The following RUNX1T1 variants were observed in gnomAD, a reference collection of about 807,000 sequenced individuals.
The protein encoded by RUNX1T1 is RUNX1 partner transcriptional co-repressor 1.
RUNX1T1 carries 4 observed loss-of-function variants against 62.8 expected under a neutral mutation model. The ratio of observed to expected loss-of-function variants is 0.06; its 90% confidence interval spans 0.03 to 0.15. RUNX1T1 has a LOEUF of 0.15. RUNX1T1 is among the 10% of genes least tolerant of loss of function. The probability of loss-of-function intolerance (pLI) is 1.00; values close to 1 mark genes in which losing one functional copy is unlikely to be tolerated. For missense variants in RUNX1T1, 508 were observed against 754.3 expected (o/e 0.67, Z 3.82); for synonymous variants, 291 against 286.0 (o/e 1.02, Z -0.18).
intron 6 of RUNX1T1, among the ~76,000 whole-genome samples, chr8:91,991,127 T>C (rs1586859098): frequency 6.6e-6 from 1 of 152,260 alleles, no homozygotes; most frequent in East Asian, 1.9e-4. Flanking sequence ...TACCAAATCA[T>C]TCCTTGGGAA....
chr8:92,096,160 T>C (rs1586032248), intron 1 of RUNX1T1, among the ~76,000 whole-genome samples: 1 of 152,218 alleles, frequency 6.6e-6, no homozygotes, highest in Admixed American at 6.5e-5. Flanking sequence ...TGAAGACTCC[T>C]GCAGCCAGCA....
At chr8:91,976,974 A>G (rs1482367507) in intron 8 of RUNX1T1, among the ~76,000 whole-genome samples, 1 of 152,228 alleles carries the variant, frequency 6.6e-6, no homozygotes, top group African/African-American at 2.4e-5. Context: ...TGAGTAGCAT[A>G]TATTTTTAAA....
At chr8:91,992,015 A>C (rs1402582705) in intron 5 of RUNX1T1, 126 bp from the exon 7 acceptor site, 2 of 998,820 alleles carry the variant, frequency 2.0e-6, no homozygotes, top group African/African-American at 1.6e-5. Flanking sequence ...TTCTAAACTC[A>C]GCTTCCCAGA....
intron 1 of RUNX1T1, among the ~76,000 whole-genome samples, chr8:92,041,184 T>C (rs1213620413): frequency 6.6e-6 from 1 of 152,152 alleles, no homozygotes; most frequent in African/African-American, 2.4e-5. Flanking sequence ...AAAGAATAAA[T>C]AATTTGTCCA....
intron 1 of RUNX1T1, chr8:92,019,121 T>A (rs1382682943): frequency 6.6e-6 from 1 of 152,202 alleles, no homozygotes; most frequent in East Asian, 1.9e-4. Context: ...TTGCACATTC[T>A]ACTCACCTCA....
At position 92,074,952 on chromosome 8, in the gene RUNX1T1, G is replaced by A. The variant is rs183477109; in HGVS notation, c.88+1013C>T. Among the ~76,000 whole-genome samples the A allele has an allele frequency of 1.5e-4, 23 of 152,182 alleles. No homozygotes were observed. In the East Asian group the frequency reaches 1.5e-3, roughly 10 times the overall value. On this transcript the variant is annotated intron_variant, in intron 2 of 11. Transcript: ENST00000265814. ...TACAGGGAATTATTTCATTTTCTCT[G>A]GTCTTTCAAGAAAAAAAAACAACAA...
chr8:92,011,235 A>G (rs1398743096), intron 3 of RUNX1T1, 144 bp from the exon 5 acceptor site: 1 of 589,430 alleles, frequency 1.7e-6, no homozygotes, highest in Non-Finnish European at 3.0e-6. Flanking sequence ...AATAAAACCT[A>G]TTGACTTTGT....
At chr8:91,994,713 A>C in intron 5 of RUNX1T1, 1 of 425,548 alleles carries the variant, frequency 2.3e-6, no homozygotes, top group South Asian at 2.0e-5. Context: ...CTTTTCCCCA[A>C]AACAATCAAG....
At chr8:91,988,321 A>G (rs977273736) in intron 6 of RUNX1T1, among the ~76,000 whole-genome samples, 1 of 152,122 alleles carries the variant, frequency 6.6e-6, no homozygotes, top group Non-Finnish European at 1.5e-5. Flanking sequence ...ATTCTGAGAT[A>G]TATTTTAAAA....
chr8:92,099,519 C>A, intron 1 of RUNX1T1: 1 of 555,142 alleles, frequency 1.8e-6, no homozygotes, highest in South Asian at 7.8e-5. Context: ...AAACAAAGAA[C>A]CTTTAAATGC....
chr8:92,098,022 T>C (rs921980126), intron 1 of RUNX1T1, among the ~76,000 whole-genome samples: 2 of 152,240 alleles, frequency 1.3e-5, no homozygotes, highest in East Asian at 3.9e-4. Flanking sequence ...AGTTCTTTTC[T>C]TAATAATAGG....
intron 1 of RUNX1T1, among the ~76,000 whole-genome samples, chr8:92,081,582 C>G (rs903854577): frequency 1.4e-5 from 2 of 146,938 alleles, no homozygotes; most frequent in Non-Finnish European, 3.0e-5. Flanking sequence ...GAAAGACTCT[C>G]TCTAGGGAAT....
chr8:91,962,311 C>A (rs1448430865), intron 10 of RUNX1T1, among the ~76,000 whole-genome samples: 3 of 151,278 alleles, frequency 2.0e-5, no homozygotes, highest in African/African-American at 7.3e-5. Flanking sequence ...AAAAACAAAA[C>A]AAAAACAAAA....
intron 8 of RUNX1T1, among the ~76,000 whole-genome samples, chr8:91,982,173 G>T (rs1003639899): frequency 4.0e-5 from 6 of 150,086 alleles, no homozygotes; most frequent in Non-Finnish European, 7.4e-5. Context: ...GAAGGTCAAG[G>T]CTGCAGTGAG....
At position 92,013,552 on chromosome 8, in the gene RUNX1T1, C is replaced by T. The variant is rs899290771; in HGVS notation, c.387+1027G>A. On this transcript the variant is annotated intron_variant, in intron 3 of 10. Transcript: ENST00000396218. The stretch of plus-strand genomic sequence containing the variant: ...ATAATCTATTTCAAGAAAGTGGAGA[C>T]GACCATAACCCTGGACAATGAAAGA... Among the ~76,000 whole-genome samples, 148 of 152,240 alleles carry T rather than the reference C, an allele frequency of 9.7e-4. 1 individual carries two copies. The highest frequency in any genetic ancestry group is 1.9e-3 in the African/African-American group (79 of 41,538).
intron 1 of RUNX1T1, chr8:92,019,099 A>T (rs1823584436): frequency 6.6e-6 from 1 of 152,226 alleles, no homozygotes; most frequent in African/African-American, 2.4e-5. Context: ...CTTCTTCAAC[A>T]GTTAAATTCA....
downstream of RUNX1T1, chr8:91,958,304 C>T (rs138588753): frequency 9.1e-5 from 18 of 197,820 alleles, no homozygotes; most frequent in African/African-American, 3.2e-4. Flanking sequence ...CCCTGGACAA[C>T]GAAGGGTTAA....
At chr8:91,977,152 G>A (rs894576766) in intron 8 of RUNX1T1, 1 of 197,390 alleles carries the variant, frequency 5.1e-6, no homozygotes, top group Admixed American at 6.1e-5. Context: ...ATTCTTGCAG[G>A]GCACACAGAT....
chr8:91,980,260 G>A (rs545779454), intron 8 of RUNX1T1, among the ~76,000 whole-genome samples: 33 of 152,280 alleles, frequency 2.2e-4, no homozygotes, highest in African/African-American at 7.9e-4. Flanking sequence ...GCATTATGAA[G>A]TCAGCTGAAT....
Sources: allele counts gnomAD v4.1 joint callset (sites outside exome capture counted in the v4.1 genomes callset), GRCh38; gene constraint gnomAD v4.1.1; transcripts MANE v1.5; gene names NCBI Gene and HGNC (gene_info 2026-07-23, HGNC 2026-07-21).